RTL4: variants seen among roughly 807,000 people sequenced by gnomAD.
RTL4 encodes the protein retrotransposon Gag-like protein 4.
RTL4 carries 4 observed loss-of-function variants against 5.3 expected under a neutral mutation model. The ratio of observed to expected loss-of-function variants is 0.75; its 90% CI spans 0.37 to 1.72. RTL4 has a LOEUF of 1.72. Ranked by LOEUF, RTL4 falls within the 40% of genes most tolerant of loss-of-function variation. The pLI is 0.04. For synonymous variants in RTL4, 98 were observed against 87.3 expected (o/e 1.12, Z -0.68); for missense variants, 260 against 227.1 (o/e 1.14, Z -0.93).
the RTL4 span, among the ~76,000 whole-genome samples, chrX:112,324,821 T>A: frequency 4.5e-5 from 5 of 111,845 alleles, no homozygotes; most frequent in Non-Finnish European, 9.4e-5. Flanking sequence ...GGATGTGAAT[T>A]CTGCTGTTTT....
the RTL4 span, among the ~76,000 whole-genome samples, chrX:112,249,822 A>G: frequency 1.8e-5 from 2 of 108,492 alleles, no homozygotes; most frequent in Non-Finnish European, 3.8e-5. Flanking sequence ...ACACATATAT[A>G]GATAACACAT....
the RTL4 span, among the ~76,000 whole-genome samples, chrX:112,323,586 G>A: frequency 9.1e-6 from 1 of 110,472 alleles, no homozygotes. Flanking sequence ...CGACCTCCCT[G>A]ACTCAAGTGA....
chrX:112,191,054 T>G, the RTL4 span, among the ~76,000 whole-genome samples: 14 of 112,750 alleles, frequency 1.2e-4, no homozygotes, highest in Non-Finnish European at 2.4e-4. Flanking sequence ...TCACTGGATT[T>G]GGCAGGATTG....
At chrX:112,389,332 C>CA in the RTL4 span, among the ~76,000 whole-genome samples, 26,226 of 89,070 alleles carry the variant, frequency 0.29, 3,555 homozygotes, top group African/African-American at 0.48. Flanking sequence ...TTAATTTTCT[C>CA]AAAAAAAAAA....
chrX:112,328,717 ACC>A, the RTL4 span, among the ~76,000 whole-genome samples: 4 of 111,811 alleles, frequency 3.6e-5, no homozygotes, highest in Non-Finnish European at 5.6e-5. Flanking sequence ...TTTTTTCAGC[ACC>A]ACATCACACC....
At chrX:112,179,548 G>A in the RTL4 span, among the ~76,000 whole-genome samples, 1 of 111,866 alleles carries the variant, frequency 8.9e-6, no homozygotes, top group African/African-American at 3.3e-5. Flanking sequence ...TCAGGTTTCT[G>A]CTGTAGATCT....
chrX:112,405,185 A>G, the RTL4 span, among the ~76,000 whole-genome samples: 1 of 111,868 alleles, frequency 8.9e-6, no homozygotes, highest in African/African-American at 3.3e-5. Context: ...CACACACTCA[A>G]AAAAAGAGTC....
chrX:112,165,772 C>G, the RTL4 span, among the ~76,000 whole-genome samples: 2,519 of 111,727 alleles, frequency 0.023, 37 homozygotes, highest in Non-Finnish European at 0.035. Context: ...TTTTCTTCCT[C>G]TGCCTTTAGA....
chrX:112,099,031 A>G, the RTL4 span, among the ~76,000 whole-genome samples: 10 of 112,286 alleles, frequency 8.9e-5, no homozygotes, highest in African/African-American at 3.2e-4. Flanking sequence ...AAAATTGACA[A>G]ATGGGATCTA....
the RTL4 span, among the ~76,000 whole-genome samples, chrX:112,436,284 C>T: frequency 9.0e-6 from 1 of 110,939 alleles, no homozygotes; most frequent in Non-Finnish European, 1.9e-5. Context: ...TTTCATTTCT[C>T]CTTTATCAAA....
chrX:112,316,068 G>C, the RTL4 span, among the ~76,000 whole-genome samples: 1 of 111,783 alleles, frequency 8.9e-6, no homozygotes, highest in Admixed American at 9.5e-5. Flanking sequence ...AGTGGAGAAG[G>C]GTTTGTTTCT....
At chrX:112,431,622 C>A in the RTL4 span, among the ~76,000 whole-genome samples, 1 of 111,887 alleles carries the variant, frequency 8.9e-6, no homozygotes, top group Non-Finnish European at 1.9e-5. Flanking sequence ...TAGGGGGCAG[C>A]AGTTTGCCCT....
chrX:112,336,730 A>G, the RTL4 span, among the ~76,000 whole-genome samples: 2 of 112,112 alleles, frequency 1.8e-5, no homozygotes, highest in Non-Finnish European at 3.8e-5. Context: ...ACATATATGG[A>G]ACATTTCTAT....
chrX:112,246,927 C>G, the RTL4 span, among the ~76,000 whole-genome samples: 19 of 112,072 alleles, frequency 1.7e-4, no homozygotes, highest in Non-Finnish European at 3.2e-4. Flanking sequence ...GATTTCTTTA[C>G]TTCAGTTCAC....
chrX:112,088,285 TA>T, the RTL4 span, among the ~76,000 whole-genome samples: 1 of 109,158 alleles, frequency 9.2e-6, no homozygotes, highest in Non-Finnish European at 1.9e-5. Flanking sequence ...GGATATCTCA[TA>T]AAAAAATGGA....
the RTL4 span, among the ~76,000 whole-genome samples, chrX:112,155,752 T>C: frequency 8.9e-6 from 1 of 111,978 alleles, no homozygotes; most frequent in South Asian, 3.7e-4. Context: ...TCTAGAGTTC[T>C]GGAAAAATTG....
At chrX:112,193,979 A>G in the RTL4 span, among the ~76,000 whole-genome samples, 13 of 111,482 alleles carry the variant, frequency 1.2e-4, no homozygotes, top group African/African-American at 4.2e-4. Context: ...TCAGTCCCCT[A>G]TGGCTGGAAC....
At chrX:112,407,130 T>C in the RTL4 span, among the ~76,000 whole-genome samples, 1 of 109,695 alleles carries the variant, frequency 9.1e-6, no homozygotes, top group Non-Finnish European at 1.9e-5. Context: ...AAGGCAAAGG[T>C]AAAGTGGACT....
the RTL4 span, among the ~76,000 whole-genome samples, chrX:112,326,283 T>G: frequency 1.8e-5 from 2 of 111,006 alleles, no homozygotes; most frequent in Non-Finnish European, 3.8e-5. Context: ...TGGGCGCAGG[T>G]CAGTGGATGT....
Sources: allele counts gnomAD v4.1 joint callset (sites outside exome capture counted in the v4.1 genomes callset), GRCh38; gene constraint gnomAD v4.1.1; transcripts MANE v1.5; gene names NCBI Gene and HGNC (gene_info 2026-07-23, HGNC 2026-07-21).